KIF26B: variants seen among roughly 807,000 people sequenced by gnomAD.
KIF26B encodes kinesin family member 26B.
KIF26B carries 63 observed loss-of-function variants against 151.2 expected under a neutral mutation model. That is an observed-to-expected ratio of 0.42 (90% CI 0.34 to 0.51). The LOEUF (loss-of-function observed/expected upper bound fraction) is 0.51, where lower values mean the gene tolerates loss of function less well. Among genes scored for constraint, KIF26B ranks in the 20% least tolerant of loss-of-function variants. The pLI is 0.07. For synonymous variants in KIF26B, 1,357 were observed against 1,262.1 expected (o/e 1.08, Z -1.59); for missense variants, 2,813 against 2,913.6 (o/e 0.97, Z 0.79).
chr1:245,325,732 G>T (rs745993721), intron 2 of KIF26B, among the ~76,000 whole-genome samples: 1 of 151,900 alleles, frequency 6.6e-6, no homozygotes, highest in Non-Finnish European at 1.5e-5. Flanking sequence ...GAAAAAAAAA[G>T]AATCCATTTC....
chr1:245,702,359 A>AGG lies in KIF26B; in HGVS notation c.6179-96_6179-95dup. ...GCAAGCGAACTAGACCTTTAGACCA[A>AGG]GGGGTAGATGTGGGGGTGGCAGCTC... On this transcript the variant is annotated intron_variant, in intron 14 of 14. Coordinates refer to ENST00000407071, the MANE Select transcript of KIF26B (RefSeq NM_018012.4). The surrounding 1 kb of genome is among the most constrained non-coding windows in gnomAD (Gnocchi z 4.1). 1.5e-6 allele frequency: 2 copies of AGG among 1,345,420 alleles called. No homozygotes were observed. Among genetic ancestry groups the AGG allele is most frequent in the South Asian group, 2.6e-5 (2 of 77,514 alleles). The allele number at this position is 1,345,420 out of a possible 1,614,324, so 83.3% of individuals were successfully genotyped here.
chr1:245,580,694 A>G (rs908250147), intron 5 of KIF26B, among the ~76,000 whole-genome samples: 3 of 152,158 alleles, frequency 2.0e-5, no homozygotes, highest in African/African-American at 7.2e-5. Flanking sequence ...CACGGAGGAA[A>G]ATTGGCTCAG....
At chr1:245,472,930 G>A (rs1250348081) in intron 4 of KIF26B, among the ~76,000 whole-genome samples, 2 of 152,242 alleles carry the variant, frequency 1.3e-5, no homozygotes. Flanking sequence ...GTAGCCAAGA[G>A]GTAGGTGTGC....
intron 2 of KIF26B, among the ~76,000 whole-genome samples, chr1:245,157,693 T>C (rs1277061803): frequency 6.6e-6 from 1 of 152,208 alleles, no homozygotes; most frequent in East Asian, 1.9e-4. Flanking sequence ...ATTGGTTTTA[T>C]GAATGCAGAA....
intron 11 of KIF26B, among the ~76,000 whole-genome samples, chr1:245,685,092 C>T (rs2044492584): frequency 6.6e-6 from 1 of 152,250 alleles, no homozygotes; most frequent in African/African-American, 2.4e-5. Context: ...ACCAGAGTTC[C>T]ACGGCACAGG....
chr1:245,365,514 C>G (rs998375497), intron 2 of KIF26B, among the ~76,000 whole-genome samples: 1 of 144,976 alleles, frequency 6.9e-6, no homozygotes, highest in Admixed American at 6.7e-5. Context: ...CCTCACAACT[C>G]CCCCCCACCA....
intron 5 of KIF26B, among the ~76,000 whole-genome samples, chr1:245,561,899 G>A (rs1235715799): frequency 6.6e-6 from 1 of 152,156 alleles, no homozygotes; most frequent in Non-Finnish European, 1.5e-5. Context: ...GTCAGAGGTG[G>A]TCCTGCCTCT....
chr1:245,291,922 G>A (rs1573756643), intron 2 of KIF26B, among the ~76,000 whole-genome samples: 1 of 152,168 alleles, frequency 6.6e-6, no homozygotes, highest in East Asian at 1.9e-4. Flanking sequence ...TCAGGGGTGA[G>A]GGATGGCAGA....
chr1:245,543,484 G>A (rs1035260753), intron 5 of KIF26B, among the ~76,000 whole-genome samples: 2 of 49,680 alleles, frequency 4.0e-5, no homozygotes, highest in African/African-American at 1.2e-4. Flanking sequence ...CTGTGTCGAG[G>A]AGCGGGGCAT....
At chr1:245,681,461 G>A (rs992950820) in intron 10 of KIF26B, among the ~76,000 whole-genome samples, 7 of 152,068 alleles carry the variant, frequency 4.6e-5, no homozygotes, top group Non-Finnish European at 7.4e-5. Context: ...CACCCACCTC[G>A]GCCTCCCAAA....
At chr1:245,610,398 C>T (rs559933581) in intron 8 of KIF26B, among the ~76,000 whole-genome samples, 175 of 152,294 alleles carry the variant, frequency 1.1e-3, no homozygotes, top group African/African-American at 3.8e-3. Context: ...AAACACTGAT[C>T]GCTGGGCACC....
chr1:245,421,043 A>G (rs1658472996), intron 4 of KIF26B, among the ~76,000 whole-genome samples: 1 of 152,190 alleles, frequency 6.6e-6, no homozygotes, highest in Non-Finnish European at 1.5e-5. Flanking sequence ...AAGTAATAGG[A>G]AATATGTATA....
At chr1:245,347,090 C>T (rs1304261711) in intron 2 of KIF26B, among the ~76,000 whole-genome samples, 1 of 152,164 alleles carries the variant, frequency 6.6e-6, no homozygotes, top group Non-Finnish European at 1.5e-5. Flanking sequence ...TGGAACAGAA[C>T]ACAGCCGTGG....
At chr1:245,472,170 A>G (rs1237466913) in intron 4 of KIF26B, among the ~76,000 whole-genome samples, 1 of 152,216 alleles carries the variant, frequency 6.6e-6, no homozygotes, top group African/African-American at 2.4e-5. Context: ...TGTGATGGGA[A>G]CCAGCCAGGC....
chr1:245,675,218 C>G (rs749860569), intron 10 of KIF26B, among the ~76,000 whole-genome samples: 9 of 152,306 alleles, frequency 5.9e-5, no homozygotes, highest in Middle Eastern at 3.4e-3. Context: ...CACTGCCAAC[C>G]CAGGATGCTC....
intron 2 of KIF26B, among the ~76,000 whole-genome samples, chr1:245,343,660 C>A (rs429496): frequency 2.0e-5 from 3 of 152,064 alleles, no homozygotes; most frequent in African/African-American, 7.2e-5. Flanking sequence ...GCCGCAAAAC[C>A]CAGTGTATTA....
intron 2 of KIF26B, among the ~76,000 whole-genome samples, chr1:245,303,406 G>T (rs1347555241): frequency 6.6e-6 from 1 of 150,638 alleles, no homozygotes. Flanking sequence ...CACCGTGTTA[G>T]CCAGGATGGT....
At chr1:245,567,604 C>T (rs193227581) in intron 5 of KIF26B, among the ~76,000 whole-genome samples, 84 of 152,298 alleles carry the variant, frequency 5.5e-4, no homozygotes, top group African/African-American at 1.9e-3. Flanking sequence ...GGCAGGAATA[C>T]AGGCCTTACA....
intron 2 of KIF26B, among the ~76,000 whole-genome samples, chr1:245,292,827 A>G (rs1390942412): frequency 6.6e-6 from 1 of 152,090 alleles, no homozygotes; most frequent in African/African-American, 2.4e-5. Context: ...TCACAGAAGC[A>G]ATGTCATAAC....
Sources: allele counts gnomAD v4.1 joint callset (sites outside exome capture counted in the v4.1 genomes callset), GRCh38; gene constraint gnomAD v4.1.1; non-coding constraint Gnocchi (gnomAD v3.1); transcripts MANE v1.5; gene names NCBI Gene and HGNC (gene_info 2026-07-23, HGNC 2026-07-21).